The following RYR3 variants were observed in gnomAD, a reference collection of about 807,000 sequenced individuals.
RYR3 encodes brain ryanodine receptor-calcium release channel.
A neutral mutation model predicts 584.3 loss-of-function variants in RYR3; 207 were observed. The observed-to-expected ratio is 0.35, with a 90% CI of 0.32 to 0.40. The LOEUF (loss-of-function observed/expected upper bound fraction) is 0.40. Among genes scored for constraint, RYR3 ranks in the 10% least tolerant of loss-of-function variants. RYR3 has a pLI of 1.00. For missense variants in RYR3, 5,616 were observed against 6,089.2 expected (o/e 0.92, Z 2.59); for synonymous variants, 2,416 against 2,248.5 (o/e 1.07, Z -2.11).
At chr15:33,504,689 G>C (rs2052313918) in intron 3 of RYR3, among the ~76,000 whole-genome samples, 1 of 152,168 alleles carries the variant, frequency 6.6e-6, no homozygotes, top group African/African-American at 2.4e-5. Context: ...GAGCCCTTTA[G>C]GAGTTGGTGA....
At chr15:33,338,122 T>G (rs138806641) in intron 1 of RYR3, among the ~76,000 whole-genome samples, 2 of 151,996 alleles carry the variant, frequency 1.3e-5, no homozygotes, top group Non-Finnish European at 2.9e-5. Context: ...GTTTCTTGTA[T>G]TTTTAGTAGA....
Position 33,833,292 on chromosome 15 carries a change from CT to C in RYR3, c.11464-1668del, listed in dbSNP as rs774056522. On this transcript the variant is annotated intron_variant, in intron 86 of 103. Transcript: ENST00000634891. The stretch of plus-strand genomic sequence containing the variant: ...CCAAGAGTCCAAGAGTTTTTAGTGA[CT>C]TTTTTTTGTTTTTACTGGTAATATG... Among the ~76,000 whole-genome samples, 8 of 151,938 alleles carry C rather than the reference CT, an allele frequency of 5.3e-5. No homozygotes were observed. In the East Asian group the frequency reaches 7.7e-4, roughly 15 times the overall value.
At chr15:33,748,334 G>A (rs922975311) in intron 54 of RYR3, 74 bp downstream of exon 54, 8 of 1,569,928 alleles carry the variant, frequency 5.1e-6, no homozygotes, top group Non-Finnish European at 7.0e-6. Context: ...TCTGCCTGGG[G>A]CATCGTAGGT....
chr15:33,570,681 G>T (rs76856235), intron 12 of RYR3, among the ~76,000 whole-genome samples: 3,415 of 152,180 alleles, frequency 0.022, 52 homozygotes, highest in Non-Finnish European at 0.036. Flanking sequence ...TTGGAGGACT[G>T]TTATCCTCAT....
intron 1 of RYR3, among the ~76,000 whole-genome samples, chr15:33,350,200 G>A (rs911063714): frequency 6.6e-6 from 1 of 152,118 alleles, no homozygotes; most frequent in African/African-American, 2.4e-5. Context: ...AATTCAACAA[G>A]AAGAGCTAAC....
intron 31 of RYR3, among the ~76,000 whole-genome samples, chr15:33,649,979 G>A (rs2062368371): frequency 6.6e-6 from 1 of 152,218 alleles, no homozygotes; most frequent in South Asian, 2.1e-4. Flanking sequence ...ACGAAGACAG[G>A]AACGTTTTGC....
intron 1 of RYR3, among the ~76,000 whole-genome samples, chr15:33,387,705 T>A (rs74734315): frequency 0.056 from 8,537 of 151,902 alleles, 326 homozygotes; most frequent in Non-Finnish European, 0.088. Flanking sequence ...TTTTTTTTCT[T>A]ATGATTCTCA....
At chr15:33,556,309 C>T (rs933839378) in intron 10 of RYR3, among the ~76,000 whole-genome samples, 2 of 152,138 alleles carry the variant, frequency 1.3e-5, no homozygotes, top group African/African-American at 2.4e-5. Context: ...CAACCATCTC[C>T]AGCCATGTTT....
At chr15:33,769,674 C>G (rs1302130371) in intron 62 of RYR3, among the ~76,000 whole-genome samples, 2 of 152,208 alleles carry the variant, frequency 1.3e-5, no homozygotes, top group Non-Finnish European at 2.9e-5. Context: ...GAGACGCAGG[C>G]CAGGCGCGGT....
intron 38 of RYR3, among the ~76,000 whole-genome samples, chr15:33,694,394 T>A (rs2004634): frequency 0.018 from 2,645 of 150,820 alleles, 74 homozygotes; most frequent in African/African-American, 0.06. Context: ...ACAGGCGCCC[T>A]CCATCACGCC....
At chr15:33,360,483 A>G (rs916794039) in intron 1 of RYR3, among the ~76,000 whole-genome samples, 3 of 152,124 alleles carry the variant, frequency 2.0e-5, no homozygotes, top group Non-Finnish European at 4.4e-5. Flanking sequence ...GAGTACTATG[A>G]CTTTGTATGG....
intron 2 of RYR3, among the ~76,000 whole-genome samples, chr15:33,483,194 C>G (rs559526407): frequency 6.6e-6 from 1 of 152,092 alleles, no homozygotes; most frequent in South Asian, 2.1e-4. Flanking sequence ...TCCATTATCT[C>G]TCTCTTCTCC....
chr15:33,445,664 A>ACACACACACACACACACAC (rs2046582595), intron 1 of RYR3, among the ~76,000 whole-genome samples: 1 of 106,006 alleles, frequency 9.4e-6, no homozygotes, highest in Non-Finnish European at 1.9e-5. Flanking sequence ...TTCCCCCACC[A>ACACACACACACACACACAC]ACACACACAC....
chr15:33,626,087 C>G (rs1388712471), intron 20 of RYR3, among the ~76,000 whole-genome samples: 1 of 152,188 alleles, frequency 6.6e-6, no homozygotes, highest in African/African-American at 2.4e-5. Flanking sequence ...GAGTGTGACT[C>G]CTGTCTGGGC....
chr15:33,788,575 GC>G, intron 67 of RYR3, 117 bp downstream of exon 67: 1 of 1,154,276 alleles, frequency 8.7e-7, no homozygotes, highest in Non-Finnish European at 1.2e-6. Flanking sequence ...GGCGATAGCC[GC>G]CCCCACCATT....
intron 57 of RYR3, among the ~76,000 whole-genome samples, chr15:33,751,169 A>G (rs1290738378): frequency 2.0e-5 from 3 of 152,182 alleles, no homozygotes; most frequent in Non-Finnish European, 4.4e-5. Flanking sequence ...AGTCTTTGCT[A>G]TTGTGAACAG....
chr15:33,446,207 T>G (rs2046645180), intron 1 of RYR3, among the ~76,000 whole-genome samples: 1 of 152,216 alleles, frequency 6.6e-6, no homozygotes, highest in Non-Finnish European at 1.5e-5. Context: ...CTTGCTCAAA[T>G]TAGTGTTCTC....
chr15:33,840,671 A>G (rs55726623), intron 89 of RYR3, 154 bp from the exon 90 acceptor site: 24,783 of 671,676 alleles, frequency 0.037, 713 homozygotes, highest in Non-Finnish European at 0.038. Context: ...CTTGACATAT[A>G]TAGCAGGACA....
chr15:33,484,701 A>G (rs181166166), intron 2 of RYR3, among the ~76,000 whole-genome samples: 1 of 152,324 alleles, frequency 6.6e-6, no homozygotes, highest in African/African-American at 2.4e-5. Flanking sequence ...TATAGGTTTT[A>G]GCTGCCTGTA....
Sources: allele counts gnomAD v4.1 joint callset (sites outside exome capture counted in the v4.1 genomes callset), GRCh38; gene constraint gnomAD v4.1.1; transcripts MANE v1.5; gene names NCBI Gene and HGNC (gene_info 2026-07-23, HGNC 2026-07-21).